The following CFAP276 variants were observed in gnomAD, a reference collection of about 807,000 sequenced individuals.
CFAP276 encodes cilia and flagella associated protein 276.
At chr1:109,109,519 T>C in the CFAP276 span, among the ~76,000 whole-genome samples, 1 of 148,166 alleles carries the variant, frequency 6.7e-6, no homozygotes, top group African/African-American at 2.5e-5. Context: ...GGCAAAGTGC[T>C]ATGTGAGCCA....
At chr1:109,107,884 C>A in the CFAP276 span, 1 of 1,492,226 alleles carries the variant, frequency 6.7e-7, no homozygotes, top group Admixed American at 1.9e-5. Context: ...AAGCCCTAAA[C>A]GGCTGCAAAG....
At chr1:109,111,884 A>G in the CFAP276 span, among the ~76,000 whole-genome samples, 1 of 152,180 alleles carries the variant, frequency 6.6e-6, no homozygotes, top group Non-Finnish European at 1.5e-5. Flanking sequence ...TTGTGCAAGC[A>G]TTTTTGCTAT....
chr1:109,113,428 G>GAGAGAGAGAGAGAGAGAGACCCTGTC, the CFAP276 span, among the ~76,000 whole-genome samples: 1 of 101,186 alleles, frequency 9.9e-6, no homozygotes, highest in African/African-American at 3.3e-5. Flanking sequence ...GAGAGAGAGA[G>GAGAGAGAGAGAGAGAGAGACCCTGTC]AGAGAGAGAG....
At chr1:109,111,231 C>A in the CFAP276 span, among the ~76,000 whole-genome samples, 1 of 152,140 alleles carries the variant, frequency 6.6e-6, no homozygotes, top group Non-Finnish European at 1.5e-5. Flanking sequence ...CTTTGGGAGG[C>A]CAAAGCAGGA....
chr1:109,106,703 C>A, the CFAP276 span: 1 of 1,595,506 alleles, frequency 6.3e-7, no homozygotes, highest in South Asian at 1.1e-5. Context: ...TGAAATCAAT[C>A]AGAGAAAGGT....
At chr1:109,110,475 C>A in the CFAP276 span, among the ~76,000 whole-genome samples, 1 of 152,190 alleles carries the variant, frequency 6.6e-6, no homozygotes. Flanking sequence ...TTTCTGGCAC[C>A]ATAATGCTGA....
the CFAP276 span, chr1:109,108,020 G>GTTATTTTTTTTTTTTTTT: frequency 3.1e-6 from 5 of 1,605,130 alleles, no homozygotes; most frequent in Non-Finnish European, 3.4e-6. Flanking sequence ...GGTGTGTTGG[G>GTTATTTTTTTTTTTTTTT]TTCTTATATG....
the CFAP276 span, among the ~76,000 whole-genome samples, chr1:109,113,308 T>C: frequency 6.6e-6 from 1 of 151,548 alleles, no homozygotes; most frequent in African/African-American, 2.4e-5. Flanking sequence ...CAGGAGAATC[T>C]CTTGAACCCG....
At chr1:109,113,086 A>G in the CFAP276 span, among the ~76,000 whole-genome samples, 3 of 152,166 alleles carry the variant, frequency 2.0e-5, no homozygotes, top group East Asian at 5.8e-4. Flanking sequence ...TGAGAGAATG[A>G]GGATGTCAAG....
chr1:109,113,408 G>A, the CFAP276 span, among the ~76,000 whole-genome samples: 1 of 113,858 alleles, frequency 8.8e-6, no homozygotes, highest in South Asian at 2.9e-4. Flanking sequence ...GAGAGAGAGA[G>A]AGAGAGAAAG....
At chr1:109,107,978 G>A in the CFAP276 span, 1 of 1,598,668 alleles carries the variant, frequency 6.3e-7, no homozygotes, top group Non-Finnish European at 8.5e-7. Flanking sequence ...GGGTTGAGTT[G>A]AGCCGACTCC....
the CFAP276 span, chr1:109,112,559 C>T: frequency 4.7e-5 from 72 of 1,548,292 alleles, no homozygotes; most frequent in Middle Eastern, 8.4e-4. Context: ...AGAAGACTAC[C>T]GGCGACCCTA....
the CFAP276 span, among the ~76,000 whole-genome samples, chr1:109,110,499 C>T: frequency 6.6e-6 from 1 of 152,170 alleles, no homozygotes; most frequent in Non-Finnish European, 1.5e-5. Context: ...CCTCAAATGC[C>T]CTCACCAAGC....
the CFAP276 span, among the ~76,000 whole-genome samples, chr1:109,110,048 T>C: frequency 6.6e-6 from 1 of 152,196 alleles, no homozygotes; most frequent in Admixed American, 6.5e-5. Flanking sequence ...TGTCTTTCAC[T>C]GAGAAAGTCC....
the CFAP276 span, chr1:109,107,995 C>T: frequency 2.5e-6 from 4 of 1,586,754 alleles, no homozygotes; most frequent in Admixed American, 1.7e-5. Flanking sequence ...CTCCAGGGTT[C>T]CTGCTGCTGA....
At chr1:109,107,646 C>T in the CFAP276 span, among the ~76,000 whole-genome samples, 21 of 151,524 alleles carry the variant, frequency 1.4e-4, no homozygotes, top group Non-Finnish European at 2.2e-4. Context: ...CCCAGCACTT[C>T]GGGAGGCTGA....
chr1:109,113,601 C>T, the CFAP276 span: 1 of 1,612,132 alleles, frequency 6.2e-7, no homozygotes, highest in Non-Finnish European at 8.5e-7. Flanking sequence ...GTAAGATCTC[C>T]AGGAGTGGCC....
chr1:109,110,824 G>A, the CFAP276 span, among the ~76,000 whole-genome samples: 1 of 152,096 alleles, frequency 6.6e-6, no homozygotes, highest in Non-Finnish European at 1.5e-5. Context: ...CATAGTTGAT[G>A]TTTCTCAACA....
chr1:109,106,776 CTG>C, the CFAP276 span: 3 of 1,256,186 alleles, frequency 2.4e-6, no homozygotes, highest in Non-Finnish European at 3.3e-6. Context: ...CTTTTTACCT[CTG>C]TGGGATTAAC....
Sources: allele counts gnomAD v4.1 joint callset (sites outside exome capture counted in the v4.1 genomes callset), GRCh38; gene constraint gnomAD v4.1.1; transcripts MANE v1.5; gene names NCBI Gene and HGNC (gene_info 2026-07-23, HGNC 2026-07-21).